Variants in SYN3 observed in about 807,000 individuals in gnomAD.
SYN3 encodes the protein synapsin III, also known as synapsin-3.
SYN3 carries 35 observed loss-of-function variants against 65.8 expected under a neutral mutation model. The observed-to-expected ratio is 0.53, with a 90% CI of 0.41 to 0.70. SYN3 has a LOEUF of 0.70. Ranked by LOEUF, SYN3 falls within the 30% of genes least tolerant of loss-of-function variation. The probability of loss-of-function intolerance (pLI) is 0.00; values close to 1 mark genes in which losing one functional copy is unlikely to be tolerated. For missense variants in SYN3, 680 were observed against 749.0 expected, an observed-to-expected ratio of 0.91 and a Z score of 1.08; for synonymous variants, 270 against 292.9, an observed-to-expected ratio of 0.92 and a Z score of 0.80.
chr22:32,886,431 C>T (rs9609649), intron 4 of SYN3, among the ~76,000 whole-genome samples: 15,800 of 152,154 alleles, frequency 0.1, 1,336 homozygotes, highest in East Asian at 0.43. Flanking sequence ...CCCGGCTCCC[C>T]CAGCTGTGCG....
At chr22:32,944,474 C>G (rs1362220430) in intron 3 of SYN3, among the ~76,000 whole-genome samples, 2 of 152,102 alleles carry the variant, frequency 1.3e-5, no homozygotes. Flanking sequence ...GCAGAAAAGG[C>G]CTTTGACAAA....
chr22:33,010,776 C>T (rs1032295137), intron 1 of SYN3, among the ~76,000 whole-genome samples: 9 of 152,130 alleles, frequency 5.9e-5, no homozygotes, highest in Non-Finnish European at 1.2e-4. Flanking sequence ...ACAGTAGACC[C>T]CTCTACTCAG....
intron 6 of SYN3, among the ~76,000 whole-genome samples, chr22:32,743,995 G>A (rs751505905): frequency 1.3e-5 from 2 of 152,088 alleles, no homozygotes; most frequent in Non-Finnish European, 2.9e-5. Flanking sequence ...GAGAATAAGA[G>A]GTACCACACC....
chr22:32,963,569 A>G (rs2051728920), intron 3 of SYN3, among the ~76,000 whole-genome samples: 1 of 152,210 alleles, frequency 6.6e-6, no homozygotes, highest in Non-Finnish European at 1.5e-5. Context: ...TTCATTATAT[A>G]GAAATAACAC....
intron 6 of SYN3, among the ~76,000 whole-genome samples, chr22:32,738,351 A>C (rs2061360240): frequency 1.3e-5 from 2 of 152,242 alleles, no homozygotes; most frequent in South Asian, 4.1e-4. Flanking sequence ...GATGTCACTA[A>C]GTAGAATGCA....
intron 6 of SYN3, among the ~76,000 whole-genome samples, chr22:32,789,886 G>A (rs1555961457): frequency 6.6e-6 from 1 of 152,174 alleles, no homozygotes; most frequent in Non-Finnish European, 1.5e-5. Context: ...TGGGAGGAAA[G>A]GCTACTTGTA....
intron 7 of SYN3, among the ~76,000 whole-genome samples, chr22:32,595,551 TG>T (rs1444051239): frequency 6.6e-6 from 1 of 152,216 alleles, no homozygotes; most frequent in South Asian, 2.1e-4. Flanking sequence ...TAACTGACTC[TG>T]GGGGCTTCTT....
At chr22:33,047,207 C>A (rs145305661) in intron 1 of SYN3, among the ~76,000 whole-genome samples, 211 of 152,252 alleles carry the variant, frequency 1.4e-3, no homozygotes, top group African/African-American at 4.9e-3. Flanking sequence ...TTATTTTCTA[C>A]CTTTCCTCTG....
At chr22:32,805,042 C>T (rs564123169) in intron 6 of SYN3, among the ~76,000 whole-genome samples, 3 of 151,826 alleles carry the variant, frequency 2.0e-5, no homozygotes, top group East Asian at 3.9e-4. Flanking sequence ...TGTGTGTGTG[C>T]GCGTGTGTGG....
chr22:32,534,922 T>C lies in SYN3; in HGVS notation c.993-1027A>G, dbSNP rs78477948. 2.6e-4 allele frequency among the ~76,000 whole-genome samples: 39 copies of C among 152,234 alleles called. 2 individuals carry two copies. The East Asian group carries it at 7.4e-3, about 29-fold the overall frequency. ...TTCCCTCGATCTCCTTGACTCCCAGTCCAGTTTTCTCATTCAGCTGTAGCA... is the reference window on the plus strand; with the variant it reads ...TTCCCTCGATCTCCTTGACTCCCAGCCCAGTTTTCTCATTCAGCTGTAGCA... On this transcript the variant is annotated intron_variant, in intron 9 of 13. Coordinates refer to ENST00000358763, the MANE Select transcript of SYN3 (RefSeq NM_003490.4).
At chr22:32,870,879 T>G (rs1011436959) in intron 4 of SYN3, among the ~76,000 whole-genome samples, 1 of 152,232 alleles carries the variant, frequency 6.6e-6, no homozygotes, top group African/African-American at 2.4e-5. Flanking sequence ...AGTTTCCTAT[T>G]GAGGTGAGTT....
chr22:32,771,238 T>C (rs954399396), intron 6 of SYN3, among the ~76,000 whole-genome samples: 1 of 152,212 alleles, frequency 6.6e-6, no homozygotes, highest in African/African-American at 2.4e-5. Context: ...GGACATGAAC[T>C]CATTCTTTTT....
At chr22:32,544,422 C>G (rs2058306624) in intron 7 of SYN3, among the ~76,000 whole-genome samples, 1 of 152,194 alleles carries the variant, frequency 6.6e-6, no homozygotes. Flanking sequence ...CATCTTCATT[C>G]CCCACTTGCC....
At chr22:32,995,749 G>A (rs915212312) in intron 2 of SYN3, among the ~76,000 whole-genome samples, 5 of 151,648 alleles carry the variant, frequency 3.3e-5, no homozygotes, top group African/African-American at 7.3e-5. Context: ...TGCAACCTCC[G>A]ACTCCCTGGT....
chr22:32,992,503 G>A (rs1317582497), intron 2 of SYN3, among the ~76,000 whole-genome samples: 1 of 152,092 alleles, frequency 6.6e-6, no homozygotes, highest in African/African-American at 2.4e-5. Flanking sequence ...TCTAAACTTG[G>A]CCTTACACCA....
chr22:32,899,410 G>A (rs1161727169), intron 4 of SYN3, among the ~76,000 whole-genome samples: 2 of 152,216 alleles, frequency 1.3e-5, no homozygotes, highest in East Asian at 3.9e-4. Flanking sequence ...CCTTTTGTAA[G>A]CAGGAGTGGG....
At chr22:32,593,598 G>A (rs985856780) in intron 7 of SYN3, among the ~76,000 whole-genome samples, 1 of 152,176 alleles carries the variant, frequency 6.6e-6, no homozygotes, top group Non-Finnish European at 1.5e-5. Context: ...GGTCACAGGA[G>A]GAAGCAGAGG....
At chr22:32,630,253 A>G (rs2059729238) in intron 6 of SYN3, among the ~76,000 whole-genome samples, 1 of 152,048 alleles carries the variant, frequency 6.6e-6, no homozygotes, top group South Asian at 2.1e-4. Flanking sequence ...GAGTGCTGGG[A>G]TTACAGGCCT....
chr22:32,572,368 A>T (rs1176596160), intron 7 of SYN3, among the ~76,000 whole-genome samples: 3,303 of 22,924 alleles, frequency 0.14, 242 homozygotes, highest in African/African-American at 0.35. Flanking sequence ...CTTCCCTTCC[A>T]CCCTCCCTCC....
Sources: gnomAD v4.1 joint callset for allele counts (sites outside exome capture counted in the v4.1 genomes callset) on GRCh38, gnomAD v4.1.1 for gene constraint, MANE v1.5 for transcripts, NCBI Gene and HGNC (gene_info 2026-07-23, HGNC 2026-07-21) for gene names.